The following NCBP1 variants were observed in gnomAD, a reference collection of about 807,000 sequenced individuals.
NCBP1 encodes nuclear cap-binding protein subunit 1.
Under a neutral mutation model 111.7 loss-of-function variants are expected in NCBP1, and 16 were observed. The ratio of observed to expected loss-of-function variants is 0.14; its 90% CI spans 0.10 to 0.22. The LOEUF (loss-of-function observed/expected upper bound fraction) is 0.22. NCBP1 is among the 10% of genes least tolerant of loss of function. The pLI is 1.00. For missense variants in NCBP1, 607 were observed against 957.5 expected (o/e 0.63, Z 4.83); for synonymous variants, 304 against 314.3 (o/e 0.97, Z 0.35).
At position 97,654,918 on chromosome 9, in the gene NCBP1, C is replaced by A. The variant is rs1320278041; in HGVS notation, c.1209C>A (p.Asp403Glu). The A allele has an allele frequency of 6.2e-7, 1 of 1,611,206 alleles. No individual in the cohort carries two copies. The highest frequency in any genetic ancestry group is 1.1e-5 in the South Asian group (1 of 90,544). Residue 403 changes from aspartate (D) to glutamate (E), a missense_variant, in exon 12 of 23, where the codon GAC (aspartate) becomes GAA (glutamate). By Grantham distance (45) the Asp-to-Glu change is conservative. This residue lies in a region of NCBP1 where 21 missense variants were observed against 19.6 expected (regional missense o/e 1.07). Transcript: ENST00000375147. ...CTGAAATGCTATACATGCGTTTGGA[C>A]ACAATGAACACTACCTGTGTAGACA... ...QATEMLYMRL[D>E]TMNTTCVDRF...
chr9:97,653,998 G>A (rs1176928062), intron 11 of NCBP1, 90 bp downstream of exon 11: 1 of 1,158,040 alleles, frequency 8.6e-7, no homozygotes, highest in Non-Finnish European at 1.2e-6. Context: ...AAATTTTGTA[G>A]GTAAAAAATG....
At chr9:97,668,715 TG>T (rs10712851) in intron 20 of NCBP1, 130 bp from the exon 21 acceptor site, 177,831 of 904,336 alleles carry the variant, frequency 0.2, 18,876 homozygotes, top group African/African-American at 0.26. Flanking sequence ...GGTGGCGGGG[TG>T]GGGGGGTACT....
intron 1 of NCBP1, chr9:97,635,648 C>T (rs1234244451): frequency 2.6e-5 from 4 of 151,960 alleles, no homozygotes; most frequent in Admixed American, 2.0e-4. Flanking sequence ...TCTTGAACTC[C>T]TGAGCTCAGG....
Position 97,633,885 on chromosome 9 carries a change from T to C in NCBP1, c.4T>C (p.Ser2Pro), listed in dbSNP as rs759611269. The change falls in exon 1 of 23, where the codon TCG (serine) becomes CCG (proline). Residue 2 changes from serine to proline, a missense_variant. Ser to Pro is a moderately conservative substitution (Grantham distance 74). This residue lies in a region of NCBP1 where 185 missense variants were observed against 272.0 expected (regional missense o/e 0.68). Transcript: ENST00000375147. MSRRRHSDENDG... is the reference protein window; with the variant it reads MPRRRHSDENDG... ...CCGCGGCGCACCGGAGGGCAGCATG[T>C]CGCGGCGGCGGCACAGCGACGAGAA... 1 of 1,588,352 alleles carries C rather than the reference T, an allele frequency of 6.3e-7. No individual in the cohort carries two copies. Among genetic ancestry groups the C allele is most frequent in the South Asian group, 1.1e-5 (1 of 88,666 alleles).
intron 1 of NCBP1, among the ~76,000 whole-genome samples, chr9:97,639,055 A>G (rs1827128827): frequency 6.6e-6 from 1 of 152,196 alleles, no homozygotes; most frequent in Non-Finnish European, 1.5e-5. Context: ...GGTTTGATCT[A>G]TACTTAAGAA....
chr9:97,660,567 AAG>A (rs942097611), intron 15 of NCBP1, among the ~76,000 whole-genome samples: 1 of 152,202 alleles, frequency 6.6e-6, no homozygotes, highest in Non-Finnish European at 1.5e-5. Context: ...GGCAAAATGA[AAG>A]AGAAGTACGT....
intron 20 of NCBP1, among the ~76,000 whole-genome samples, chr9:97,668,157 G>A (rs1002980299): frequency 5.9e-5 from 9 of 152,200 alleles, no homozygotes; most frequent in African/African-American, 2.2e-4. Flanking sequence ...ACCTTGGTAT[G>A]TAACACCTTA....
intron 1 of NCBP1, chr9:97,636,113 G>C (rs1283209385): frequency 3.3e-5 from 5 of 152,132 alleles, no homozygotes; most frequent in Non-Finnish European, 7.3e-5. Flanking sequence ...ATTTTAGTGT[G>C]GGAGAGGCAG....
chr9:97,659,719 T>C (rs1026464656), intron 15 of NCBP1, among the ~76,000 whole-genome samples: 1 of 152,194 alleles, frequency 6.6e-6, no homozygotes, highest in Admixed American at 6.5e-5. Context: ...AGTTTTGTCC[T>C]GTACTGGTTC....
chr9:97,665,152 A>G (rs1232602055), intron 19 of NCBP1, among the ~76,000 whole-genome samples: 1 of 152,268 alleles, frequency 6.6e-6, no homozygotes, highest in African/African-American at 2.4e-5. Context: ...TGTTACTGCC[A>G]GAGGACACTG....
chr9:97,655,021 CATTTTTAA>C, intron 12 of NCBP1, 77 bp downstream of exon 12: 1 of 1,225,818 alleles, frequency 8.2e-7, no homozygotes, highest in Non-Finnish European at 1.1e-6. Context: ...TTGAGAAAGA[CATTTTTAA>C]GAATTTCCAT....
At chr9:97,636,355 A>G (rs1434701176) in intron 1 of NCBP1, among the ~76,000 whole-genome samples, 3 of 151,462 alleles carry the variant, frequency 2.0e-5, no homozygotes, top group Non-Finnish European at 4.4e-5. Context: ...AAATAGATGC[A>G]TCTGAGCATT....
chr9:97,651,391 A>G lies in NCBP1; in HGVS notation c.1059+18A>G, dbSNP rs1827494400. 1.2e-6 allele frequency: 2 copies of G among 1,608,408 alleles called. No homozygotes were observed. The highest frequency in any genetic ancestry group is 1.7e-6 in the Non-Finnish European group (2 of 1,176,782). On this transcript the variant is annotated intron_variant, in intron 10 of 22. Transcript: ENST00000375147. The stretch of plus-strand genomic sequence containing the variant: ...TAGTTGAGGTATGAATTCCATGTGG[A>G]GCGTGTTTCTGAGTTTCAGAATCTT...
chr9:97,647,422 T>C (rs1225309565), intron 6 of NCBP1, 70 bp from the exon 7 acceptor site: 1 of 1,215,198 alleles, frequency 8.2e-7, no homozygotes, highest in Middle Eastern at 1.9e-4. Context: ...TGCATTTTAA[T>C]AACTGTGAGG....
Position 97,665,870 on chromosome 9 carries a change from A to G in NCBP1, c.1902-893A>G, listed in dbSNP as rs190367602. Among the ~76,000 whole-genome samples, 818 of 152,128 alleles carry G rather than the reference A, an allele frequency of 5.4e-3. 7 individuals are homozygous for G. Among genetic ancestry groups the G allele is most frequent in the Non-Finnish European group, 8.9e-3 (603 of 68,012 alleles). The stretch of plus-strand genomic sequence containing the variant: ...TAGTGATAACGTAGTCAATTAACAC[A>G]TATTTGTGTTGTATGTGTTATATCC... On this transcript the variant is annotated intron_variant, in intron 19 of 22. Transcript: ENST00000375147.
At chr9:97,647,106 T>C (rs1421062709) in intron 6 of NCBP1, among the ~76,000 whole-genome samples, 2 of 152,194 alleles carry the variant, frequency 1.3e-5, no homozygotes, top group Non-Finnish European at 2.9e-5. Flanking sequence ...TTTGCTCTTA[T>C]AAACAATGTT....
chr9:97,648,811 GC>G (rs1386896270), intron 8 of NCBP1, among the ~76,000 whole-genome samples: 2 of 152,098 alleles, frequency 1.3e-5, no homozygotes, highest in Non-Finnish European at 2.9e-5. Flanking sequence ...CTGTGCTCAA[GC>G]GATCCTTCCA....
At chr9:97,651,137 C>T (rs1827486901) in intron 9 of NCBP1, among the ~76,000 whole-genome samples, 173 bp from the exon 10 acceptor site, 1 of 152,040 alleles carries the variant, frequency 6.6e-6, no homozygotes, top group Admixed American at 6.6e-5. Context: ...TAAAGATTTT[C>T]CTTGTGGTAG....
chr9:97,671,300 A>C lies in NCBP1; in HGVS notation c.*101A>C, dbSNP rs1828186721. Reference sequence around the variant, plus strand: ...GCTTGCTTTCTTGTAGTATCCTTTCACTTCTTAAAGGAAACAAAGGGGAAG... The same window carrying C: ...GCTTGCTTTCTTGTAGTATCCTTTCCCTTCTTAAAGGAAACAAAGGGGAAG... On this transcript the variant is annotated 3_prime_UTR_variant, in exon 23 of 23. Coordinates refer to ENST00000375147, the MANE Select transcript of NCBP1 (RefSeq NM_002486.5). The C allele has an allele frequency of 2.3e-6, 2 of 852,782 alleles. No homozygotes were observed. The highest frequency in any genetic ancestry group is 2.8e-5 in the Admixed American group (1 of 35,796). The allele number at this position is 852,782 out of a possible 1,614,324, so 52.8% of individuals were successfully genotyped here.
Sources: allele counts gnomAD v4.1 joint callset (sites outside exome capture counted in the v4.1 genomes callset), GRCh38; gene constraint gnomAD v4.1.1; regional missense constraint gnomAD v4.1.1; transcripts MANE v1.5; gene names NCBI Gene and HGNC (gene_info 2026-07-23, HGNC 2026-07-21).